Variants in DNAH17 observed in about 807,000 individuals in gnomAD.
DNAH17 encodes the protein axonemal beta dynein heavy chain 17.
DNAH17 carries 376 observed loss-of-function variants against 485.6 expected under a neutral mutation model. The ratio of observed to expected loss-of-function variants is 0.77; its 90% CI spans 0.71 to 0.84. The LOEUF (loss-of-function observed/expected upper bound fraction) is 0.84, where lower values mean the gene tolerates loss of function less well. Among genes scored for constraint, DNAH17 ranks in the 40% least tolerant of loss-of-function variants. The probability of loss-of-function intolerance (pLI) is 0.00; values close to 1 mark genes in which losing one functional copy is unlikely to be tolerated. For missense variants in DNAH17, 6,370 were observed against 5,839.3 expected (o/e 1.09, Z -2.96); for synonymous variants, 3,031 against 2,405.9 (o/e 1.26, Z -7.60).
intron 49 of DNAH17, among the ~76,000 whole-genome samples, chr17:78,479,839 T>C (rs954030691): frequency 4.6e-5 from 7 of 152,124 alleles, no homozygotes; most frequent in African/African-American, 1.7e-4. Context: ...ATTTACTTCA[T>C]GCTCTCAAGA....
chr17:78,469,688 G>A (rs906471378), intron 54 of DNAH17, among the ~76,000 whole-genome samples: 6 of 152,216 alleles, frequency 3.9e-5, no homozygotes, highest in African/African-American at 1.4e-4. Context: ...ATCCATGCAT[G>A]AACAGGTACA....
chr17:78,437,496 T>C (rs2086886341), intron 74 of DNAH17, 145 bp downstream of exon 74: 1 of 571,048 alleles, frequency 1.8e-6, no homozygotes, highest in Non-Finnish European at 3.1e-6. Flanking sequence ...TGATTTTGAC[T>C]GCGAGGGGTG....
In DNAH17 at chr17:78,572,411, G is replaced by GA. The variant is rs2092371798; in HGVS notation, c.539+289_539+290insT. The stretch of plus-strand genomic sequence containing the variant: ...ACAGGTGGGACACCTTCTGCTTGCT[G>GA]GGTGGTGACTGGATCGGCACACATG... On this transcript the variant is annotated intron_variant, in intron 3 of 80. Transcript: ENST00000389840. Among the ~76,000 whole-genome samples the GA allele has an allele frequency of 2.0e-5, 3 of 152,260 alleles. No individual in the cohort carries two copies. In the Middle Eastern group the frequency reaches 0.01, roughly 518 times the overall value.
intron 15 of DNAH17, among the ~76,000 whole-genome samples, chr17:78,552,182 G>A (rs562734054): frequency 3.3e-5 from 5 of 152,308 alleles, no homozygotes; most frequent in African/African-American, 1.2e-4. Flanking sequence ...ACCCCACGTA[G>A]GAGCCCCAGA....
At chr17:78,543,391 C>T (rs865858266) in intron 17 of DNAH17, among the ~76,000 whole-genome samples, 4 of 151,760 alleles carry the variant, frequency 2.6e-5, no homozygotes, top group East Asian at 1.9e-4. Context: ...CCCGGGTTCA[C>T]GCCATTCTCC....
Position 78,450,856 on chromosome 17 carries a change from G to A in DNAH17, c.10735-10C>T. ...ACTTGGTGAGGTTTGCCTGCAAGGGGAGGTGCAGGAGTCACTGCATTGCCT... is the reference window on the plus strand; with the variant it reads ...ACTTGGTGAGGTTTGCCTGCAAGGGAAGGTGCAGGAGTCACTGCATTGCCT... On this transcript the variant is annotated splice_polypyrimidine_tract_variant and intron_variant, in intron 66 of 80. Coordinates refer to ENST00000389840, the MANE Select transcript of DNAH17 (RefSeq NM_173628.4). 1 of 1,613,278 alleles carries A rather than the reference G, an allele frequency of 6.2e-7. No homozygotes were observed. Among genetic ancestry groups the A allele is most frequent in the Non-Finnish European group, 8.5e-7 (1 of 1,179,398 alleles).
intron 51 of DNAH17, 25 bp from the exon 52 acceptor site, chr17:78,476,758 C>T: frequency 1.2e-6 from 2 of 1,606,320 alleles, no homozygotes; most frequent in Non-Finnish European, 1.7e-6. Context: ...GGATGATCAG[C>T]ACCGTCAGCT....
rs892129886 is a variant in DNAH17, at chr17:78,518,906, C to T, written c.3865-3884G>A. Among the ~76,000 whole-genome samples, 7 of 152,206 alleles carry T rather than the reference C, an allele frequency of 4.6e-5. No homozygotes were observed. In the South Asian group the frequency reaches 8.3e-4, roughly 18 times the overall value. On this transcript the variant is annotated intron_variant, in intron 25 of 80. Coordinates refer to ENST00000389840, the MANE Select transcript of DNAH17 (RefSeq NM_173628.4). The stretch of plus-strand genomic sequence containing the variant: ...AATACAGGCCAGGCGTGGTGGCTCA[C>T]GCCTGTAATCCCAGCACTTTGGGAA...
At chr17:78,437,215 G>C (rs1187265348) in intron 74 of DNAH17, among the ~76,000 whole-genome samples, 3 of 152,182 alleles carry the variant, frequency 2.0e-5, no homozygotes, top group Non-Finnish European at 2.9e-5. Flanking sequence ...ATCTACCCTG[G>C]TTGCCCATAG....
chr17:78,551,461 T>C, intron 16 of DNAH17, 74 bp downstream of exon 16: 1 of 1,398,326 alleles, frequency 7.2e-7, no homozygotes, highest in Non-Finnish European at 1.0e-6. Flanking sequence ...CATGGGCCTC[T>C]ACGTAGCCTG....
chr17:78,484,805 G>C, intron 48 of DNAH17, 63 bp downstream of exon 48: 2 of 1,135,366 alleles, frequency 1.8e-6, no homozygotes, highest in Non-Finnish European at 2.2e-6. Context: ...CCTGCGCCCC[G>C]CCCTGGCCCC....
intron 48 of DNAH17, 58 bp downstream of exon 48, chr17:78,484,810 G>GGCCCC: frequency 7.9e-7 from 1 of 1,258,100 alleles, no homozygotes; most frequent in Non-Finnish European, 1.0e-6. Context: ...GCCCCGCCCT[G>GGCCCC]GCCCCGCCCT....
chr17:78,540,156 T>C (rs1352336026), intron 17 of DNAH17, among the ~76,000 whole-genome samples: 1 of 151,968 alleles, frequency 6.6e-6, no homozygotes, highest in Non-Finnish European at 1.5e-5. Context: ...GGGTTTCCTC[T>C]AGCAAACTGT....
chr17:78,433,957 G>GAGGGAAGGAGGGAGGGAAGGAGGA, intron 75 of DNAH17, 72 bp downstream of exon 75: 1 of 1,298,560 alleles, frequency 7.7e-7, no homozygotes, highest in Non-Finnish European at 1.1e-6. Flanking sequence ...GGGAAGGAGG[G>GAGGGAAGGAGGGAGGGAAGGAGGA]AGGGAAGGAG....
intron 57 of DNAH17, 137 bp downstream of exon 57, chr17:78,462,707 G>A (rs1370451118): frequency 2.6e-6 from 2 of 775,088 alleles, no homozygotes; most frequent in East Asian, 5.4e-5. Flanking sequence ...CTTCTCAAAG[G>A]CAGGAAGCGT....
intron 11 of DNAH17, among the ~76,000 whole-genome samples, chr17:78,565,078 A>G (rs1287636275): frequency 6.6e-6 from 1 of 152,170 alleles, no homozygotes; most frequent in Non-Finnish European, 1.5e-5. Flanking sequence ...AGAATCCCCC[A>G]ACCCCTGATG....
At chr17:78,532,781 G>T (rs745790752) in intron 19 of DNAH17, 45 bp from the exon 20 acceptor site, 2 of 1,527,258 alleles carry the variant, frequency 1.3e-6, no homozygotes, top group African/African-American at 2.7e-5. Context: ...TATGTTGCCT[G>T]GTTCATAATT....
At chr17:78,565,186 C>T (rs1441397955) in intron 11 of DNAH17, among the ~76,000 whole-genome samples, 1 of 152,136 alleles carries the variant, frequency 6.6e-6, no homozygotes, top group East Asian at 1.9e-4. Context: ...GCTCCCATCG[C>T]TCTCCCTACA....
chr17:78,465,043 T>C (rs1311530899), intron 56 of DNAH17, among the ~76,000 whole-genome samples: 1 of 152,164 alleles, frequency 6.6e-6, no homozygotes, highest in Non-Finnish European at 1.5e-5. Context: ...CCTCCCTGCC[T>C]GATTCTCCTG....
Sources: allele counts gnomAD v4.1 joint callset (sites outside exome capture counted in the v4.1 genomes callset), GRCh38; gene constraint gnomAD v4.1.1; transcripts MANE v1.5; gene names NCBI Gene and HGNC (gene_info 2026-07-23, HGNC 2026-07-21).